Variants in PCDHGA6 observed in about 807,000 individuals in gnomAD.
The protein encoded by PCDHGA6 is protocadherin gamma-A6.
Under a neutral mutation model 60.6 loss-of-function variants are expected in PCDHGA6, and 41 were observed. The observed-to-expected ratio is 0.68, with a 90% confidence interval of 0.53 to 0.88. PCDHGA6 has a LOEUF of 0.88. Ranked by LOEUF, PCDHGA6 falls within the 40% of genes least tolerant of loss-of-function variation. PCDHGA6 has a pLI of 0.00. For missense variants in PCDHGA6, 1,312 were observed against 1,203.0 expected (o/e 1.09, Z -1.34); for synonymous variants, 594 against 524.4 (o/e 1.13, Z -1.81).
At chr5:141,464,279 C>CA (rs373828487) in intron 1 of PCDHGA6, among the ~76,000 whole-genome samples, 31,576 of 137,520 alleles carry the variant, frequency 0.23, 3,494 homozygotes, top group African/African-American at 0.28. Context: ...AAAAAAAAAG[C>CA]AAAAAAAAAA....
At chr5:141,379,815 T>C (rs1489145506) in intron 1 of PCDHGA6, among the ~76,000 whole-genome samples, 2 of 150,388 alleles carry the variant, frequency 1.3e-5, no homozygotes, top group South Asian at 2.1e-4. Context: ...GAGTTCAGTA[T>C]AGAATTTTGA....
intron 1 of PCDHGA6, among the ~76,000 whole-genome samples, chr5:141,401,612 C>A (rs1190962219): frequency 6.6e-6 from 1 of 152,146 alleles, no homozygotes; most frequent in Non-Finnish European, 1.5e-5. Context: ...AAAAAGACAC[C>A]GGATTTGTCT....
At chr5:141,478,332 G>A (rs773442842) in intron 1 of PCDHGA6, 1 of 1,613,924 alleles carries the variant, frequency 6.2e-7, no homozygotes, top group Non-Finnish European at 8.5e-7. Context: ...CGAACACCAG[G>A]GCCCTCCTTG....
intron 2 of PCDHGA6, among the ~76,000 whole-genome samples, chr5:141,496,123 C>T (rs2099766207): frequency 6.6e-6 from 1 of 152,098 alleles, no homozygotes; most frequent in African/African-American, 2.4e-5. Flanking sequence ...CTTCCCTGCC[C>T]CTCACACACT....
In PCDHGA6 at chr5:141,476,877, T is replaced by C. The variant is rs2099400648; in HGVS notation, c.2425-17930T>C. ...CAGTCCTTGTACCGGGCGCGCGTCC[T>C]GGAGGATGCACCCTCCGGCACGCGC... On this transcript the variant is annotated intron_variant, in intron 1 of 3. Transcript: ENST00000517434. This position sits in a 1 kb window ranked among gnomAD's most constrained non-coding sequence, Gnocchi z 7.6. 4.3e-6 allele frequency: 7 copies of C among 1,613,954 alleles called. No homozygotes were observed. The highest frequency in any genetic ancestry group is 5.9e-6 in the Non-Finnish European group (7 of 1,180,038).
intron 2 of PCDHGA6, among the ~76,000 whole-genome samples, chr5:141,496,125 T>C (rs1318749514): frequency 6.8e-6 from 1 of 146,032 alleles, no homozygotes; most frequent in Non-Finnish European, 1.5e-5. Context: ...TCCCTGCCCC[T>C]CACACACTGA....
intron 1 of PCDHGA6, chr5:141,384,717 C>A (rs575459465): frequency 6.8e-6 from 11 of 1,614,166 alleles, no homozygotes; most frequent in Non-Finnish European, 9.3e-6. Context: ...GGCTGTCATA[C>A]CTCCTGCTTA....
intron 1 of PCDHGA6, chr5:141,478,121 G>A (rs1393103666): frequency 1.2e-6 from 2 of 1,613,918 alleles, no homozygotes; most frequent in South Asian, 1.1e-5. Flanking sequence ...AGTAACCGAG[G>A]ACTCTCCTGA....
At chr5:141,388,952 G>GGAC in intron 1 of PCDHGA6, 1 of 1,614,022 alleles carries the variant, frequency 6.2e-7, no homozygotes, top group Non-Finnish European at 8.5e-7. Flanking sequence ...TAATTATGGA[G>GGAC]GACGCCGAGC....
chr5:141,400,254 G>C, intron 1 of PCDHGA6: 1 of 1,613,980 alleles, frequency 6.2e-7, no homozygotes. Flanking sequence ...CCGTTGCCTT[G>C]CGCCTGCGAC....
At chr5:141,398,811 C>G in intron 1 of PCDHGA6, 1 of 1,613,980 alleles carries the variant, frequency 6.2e-7, no homozygotes. Context: ...CCACTGAGCT[C>G]CGGATCCAGG....
intron 1 of PCDHGA6, chr5:141,478,158 C>G: frequency 6.2e-7 from 1 of 1,614,054 alleles, no homozygotes; most frequent in Non-Finnish European, 8.5e-7. Flanking sequence ...CCCTCTGGCT[C>G]TGCCCCCCGG....
chr5:141,394,821 G>C (rs2093106496), intron 1 of PCDHGA6: 4 of 1,613,862 alleles, frequency 2.5e-6, no homozygotes, highest in Middle Eastern at 1.6e-4. Flanking sequence ...CAGCATCCCC[G>C]AAGTCCTGAC....
rs2097721634 is a variant in PCDHGA6, at chr5:141,434,835, A to G, written c.2424+58328A>G. On this transcript the variant is annotated intron_variant, in intron 1 of 3. Coordinates refer to ENST00000517434, the MANE Select transcript of PCDHGA6 (RefSeq NM_018919.3). ...ATATCCCTTAGTACACTTGGCATTT[A>G]TAAAGCAGACATCAATAAATTTATA... 2.0e-5 allele frequency among the ~76,000 whole-genome samples: 3 copies of G among 151,972 alleles called. 1 individual carries two copies. In the South Asian group the frequency reaches 6.2e-4, roughly 32 times the overall value.
chr5:141,374,061 G>T lies in PCDHGA6; in HGVS notation c.-23G>T. On this transcript the variant is annotated 5_prime_UTR_variant, in exon 1 of 4. Coordinates refer to ENST00000517434, the MANE Select transcript of PCDHGA6 (RefSeq NM_018919.3). ...TCTGTTCTTCCTCTTCTTAATCCCA[G>T]AGAAGTTCCTAATAAGCCAGTAATG... 6.7e-7 allele frequency: 1 copy of T among 1,493,670 alleles called. No homozygotes were observed. The highest frequency in any genetic ancestry group is 8.9e-7 in the Non-Finnish European group (1 of 1,123,046). 92.5% of individuals were successfully genotyped at this position (1,493,670 alleles called of 1,614,324 possible).
At chr5:141,399,194 C>G in intron 1 of PCDHGA6, 1 of 1,613,838 alleles carries the variant, frequency 6.2e-7, no homozygotes, top group Non-Finnish European at 8.5e-7. Context: ...CTGGAAAACG[C>G]GGTGCCTGGA....
chr5:141,432,652 C>T lies in PCDHGA6; in HGVS notation c.2424+56145C>T, dbSNP rs1004936183. On this transcript the variant is annotated intron_variant, in intron 1 of 3. Transcript: ENST00000517434. This position sits in a 1 kb window ranked among gnomAD's most constrained non-coding sequence, Gnocchi z 6.0. ...CGGGCGAGGTGCGCACGGCGCGAGC[C>T]CTGCTGGACAGAGACGCGCTCAAGC... The T allele has an allele frequency of 6.2e-7, 1 of 1,613,836 alleles. No individual in the cohort carries two copies. Among genetic ancestry groups the T allele is most frequent in the East Asian group, 2.2e-5 (1 of 44,860 alleles).
intron 1 of PCDHGA6, chr5:141,423,463 G>C (rs772779471): frequency 1.2e-6 from 2 of 1,613,874 alleles, no homozygotes; most frequent in South Asian, 2.2e-5. Context: ...AGGCGTGGAC[G>C]GGGTACAGGC....
intron 1 of PCDHGA6, among the ~76,000 whole-genome samples, chr5:141,443,728 C>A (rs1434984241): frequency 1.3e-5 from 2 of 152,060 alleles, no homozygotes; most frequent in African/African-American, 2.4e-5. Flanking sequence ...ATTCCTCATA[C>A]ATTTCCCTAT....
Sources: allele counts gnomAD v4.1 joint callset (sites outside exome capture counted in the v4.1 genomes callset), GRCh38; gene constraint gnomAD v4.1.1; non-coding constraint Gnocchi (gnomAD v3.1); transcripts MANE v1.5; gene names NCBI Gene and HGNC (gene_info 2026-07-23, HGNC 2026-07-21).